GRM7: variants seen among roughly 807,000 people sequenced by gnomAD.
GRM7 encodes glutamate metabotropic receptor 7, also known as metabotropic glutamate receptor 7.
GRM7 carries 35 observed loss-of-function variants against 84.5 expected under a neutral mutation model. The observed-to-expected ratio is 0.41, with a 90% CI of 0.32 to 0.55. GRM7 has a LOEUF of 0.55. Among genes scored for constraint, GRM7 ranks in the 20% least tolerant of loss-of-function variants. The pLI is 0.19. For synonymous variants in GRM7, 487 were observed against 455.1 expected (o/e 1.07, Z -0.89); for missense variants, 1,003 against 1,194.6 (o/e 0.84, Z 2.36).
intron 1 of GRM7, among the ~76,000 whole-genome samples, chr3:7,123,555 G>T (rs956072041): frequency 2.6e-5 from 4 of 152,010 alleles, no homozygotes; most frequent in Non-Finnish European, 4.4e-5. Context: ...GGAGGCGGAG[G>T]TTGCAGTGAA....
intron 1 of GRM7, among the ~76,000 whole-genome samples, chr3:7,085,620 G>A (rs1024955677): frequency 6.6e-6 from 1 of 152,136 alleles, no homozygotes; most frequent in Non-Finnish European, 1.5e-5. Flanking sequence ...AGCGAGCAAA[G>A]ATCTGTTCAG....
chr3:7,090,720 G>C (rs1421627165), intron 1 of GRM7, among the ~76,000 whole-genome samples: 1 of 152,144 alleles, frequency 6.6e-6, no homozygotes, highest in Non-Finnish European at 1.5e-5. Flanking sequence ...TTATATTTAA[G>C]GAACTCAAAC....
At chr3:7,458,898 C>A (rs1053195909) in intron 6 of GRM7, among the ~76,000 whole-genome samples, 1 of 152,194 alleles carries the variant, frequency 6.6e-6, no homozygotes, top group African/African-American at 2.4e-5. Flanking sequence ...ATTCTCATTT[C>A]TTTGCTAATA....
At chr3:7,598,913 G>C (rs1696177089) in intron 8 of GRM7, among the ~76,000 whole-genome samples, 2 of 152,122 alleles carry the variant, frequency 1.3e-5, no homozygotes, top group African/African-American at 4.8e-5. Context: ...ATGATATAAA[G>C]ATATCTTGAT....
chr3:7,680,216 A>G lies in GRM7; in HGVS notation c.2619A>G (p.Ser873=). Residue 873 remains serine (S), a synonymous_variant, in exon 9 of 10, where the codon TCA becomes TCG. Coordinates refer to ENST00000357716, the MANE Select transcript of GRM7 (RefSeq NM_000844.4). The part of the protein sequence containing the change: ...FKAVVTAATM[S]SRLSHKPSDR... The stretch of plus-strand genomic sequence containing the variant: ...CGGTAGTCACAGCAGCCACCATGTC[A>G]TCGAGGCTGTCACACAAACCCAGTG... 1.2e-6 allele frequency: 2 copies of G among 1,614,152 alleles called. No individual in the cohort carries two copies. Among genetic ancestry groups the G allele is most frequent in the Non-Finnish European group, 1.7e-6 (2 of 1,179,972 alleles).
chr3:7,357,900 A>G (rs1693481024), intron 4 of GRM7, among the ~76,000 whole-genome samples: 1 of 152,144 alleles, frequency 6.6e-6, no homozygotes. Flanking sequence ...CTATGGAAAA[A>G]AAAACCCACT....
intron 1 of GRM7, among the ~76,000 whole-genome samples, chr3:7,104,383 G>T (rs1310605881): frequency 1.3e-5 from 2 of 151,600 alleles, no homozygotes; most frequent in Non-Finnish European, 3.0e-5. Context: ...ATAAATTTTT[G>T]ATTTTTAAGC....
chr3:7,442,858 A>G (rs537353409), intron 5 of GRM7, among the ~76,000 whole-genome samples: 51 of 152,278 alleles, frequency 3.3e-4, no homozygotes, highest in African/African-American at 1.2e-3. Flanking sequence ...AACATGTTGT[A>G]TAATTATTTA....
intron 1 of GRM7, among the ~76,000 whole-genome samples, chr3:7,040,644 C>G (rs1418647738): frequency 2.0e-5 from 3 of 151,950 alleles, no homozygotes; most frequent in African/African-American, 7.3e-5. Flanking sequence ...CTCCTATTGT[C>G]TAGGATTCCA....
intron 1 of GRM7, among the ~76,000 whole-genome samples, chr3:6,938,357 T>G (rs914938764): frequency 2.0e-5 from 3 of 151,904 alleles, no homozygotes; most frequent in East Asian, 3.9e-4. Flanking sequence ...TTACACAAAG[T>G]CAAAGTCTGT....
At chr3:7,138,069 T>C (rs537106829) in intron 1 of GRM7, among the ~76,000 whole-genome samples, 202 of 152,172 alleles carry the variant, frequency 1.3e-3, no homozygotes, top group African/African-American at 4.5e-3. Flanking sequence ...TCTATAGATA[T>C]AATTTTATAT....
intron 4 of GRM7, among the ~76,000 whole-genome samples, chr3:7,400,211 C>T (rs1695392022): frequency 6.6e-6 from 1 of 152,136 alleles, no homozygotes; most frequent in Admixed American, 6.6e-5. Context: ...GTTCATTCAT[C>T]TAAGCATGGA....
At chr3:7,630,267 T>C in intron 8 of GRM7, among the ~76,000 whole-genome samples, 1 of 152,096 alleles carries the variant, frequency 6.6e-6, no homozygotes, top group East Asian at 1.9e-4. Context: ...AAGAAGAATT[T>C]CTGCCCATTC....
chr3:6,955,957 G>A (rs1180028579), intron 1 of GRM7, among the ~76,000 whole-genome samples: 1 of 152,112 alleles, frequency 6.6e-6, no homozygotes, highest in Non-Finnish European at 1.5e-5. Flanking sequence ...ATTGTATATG[G>A]CATAAATTGC....
At chr3:7,293,254 A>C (rs1468560447) in intron 2 of GRM7, among the ~76,000 whole-genome samples, 2 of 152,138 alleles carry the variant, frequency 1.3e-5, no homozygotes, top group African/African-American at 4.8e-5. Context: ...TTTATTGGAA[A>C]GCATCTGTGG....
At chr3:6,948,216 A>G (rs1379050323) in intron 1 of GRM7, among the ~76,000 whole-genome samples, 1 of 151,934 alleles carries the variant, frequency 6.6e-6, no homozygotes. Flanking sequence ...CCCTCTACAC[A>G]CTGCTTTGAA....
At chr3:7,686,732 C>G (rs1700600981) in intron 9 of GRM7, among the ~76,000 whole-genome samples, 1 of 152,284 alleles carries the variant, frequency 6.6e-6, no homozygotes, top group East Asian at 1.9e-4. Flanking sequence ...GACACATGCT[C>G]TACTTTAAAA....
chr3:7,680,534 C>G, intron 9 of GRM7: 1 of 509,948 alleles, frequency 2.0e-6, no homozygotes. Flanking sequence ...TGAAGCCTCC[C>G]CCTTCCCTTG....
intron 1 of GRM7, among the ~76,000 whole-genome samples, chr3:7,068,578 G>T (rs1697751979): frequency 6.6e-6 from 1 of 151,980 alleles, no homozygotes; most frequent in Non-Finnish European, 1.5e-5. Context: ...ATTTCCACTG[G>T]AAATGTAATT....
Sources: gnomAD v4.1 joint callset for allele counts (sites outside exome capture counted in the v4.1 genomes callset) on GRCh38, gnomAD v4.1.1 for gene constraint, MANE v1.5 for transcripts, NCBI Gene and HGNC (gene_info 2026-07-23, HGNC 2026-07-21) for gene names.